HEY2: variants seen among roughly 807,000 people sequenced by gnomAD.
HEY2 encodes the protein hairy/enhancer-of-split related with YRPW motif protein 2.
HEY2 carries 10 observed loss-of-function variants against 18.1 expected under a neutral mutation model. That is an observed-to-expected ratio of 0.55 (90% confidence interval 0.34 to 0.94). HEY2 has a LOEUF of 0.94. HEY2 is among the 40% of genes least tolerant of loss of function. HEY2 has a pLI of 0.02. For synonymous variants in HEY2, 210 were observed against 182.7 expected (o/e 1.15, Z -1.21); for missense variants, 455 against 455.9 (o/e 1.00, Z 0.02).
rs1773787174 is a variant in HEY2, at chr6:125,760,819, A to G, written c.*1017A>G. The G allele has an allele frequency of 6.6e-6, 1 of 152,638 alleles. No individual in the cohort carries two copies. The highest frequency in any genetic ancestry group is 2.4e-5 in the African/African-American group (1 of 41,450). The allele number at this position is 152,638 out of a possible 1,614,324, so 9.5% of individuals were successfully genotyped here. ...GTTACATTTCTGGAGGTGATGAAGCAAGGAGGGAGCACTAGGAAGAGAAAA... is the reference window on the plus strand; with the variant it reads ...GTTACATTTCTGGAGGTGATGAAGCGAGGAGGGAGCACTAGGAAGAGAAAA... On this transcript the variant is annotated 3_prime_UTR_variant, in exon 5 of 5. Coordinates refer to ENST00000368364, the MANE Select transcript of HEY2 (RefSeq NM_012259.3).
Position 125,759,461 on chromosome 6 carries a change from G to C in HEY2, c.673G>C (p.Ala225Pro). Reference sequence around the variant, plus strand: ...AGAAGTGCCTCCTGCCCACGGCTCTGCTCTCCTCACGGCCACGTTTGCCCA... The same window carrying C: ...AGAAGTGCCTCCTGCCCACGGCTCTCCTCTCCTCACGGCCACGTTTGCCCA... ...TSEVPPAHGS[A>P]LLTATFAHAD... The change falls in exon 5 of 5, where the codon GCT becomes CCT. Residue 225 changes from alanine to proline, a missense_variant. Transcript: ENST00000368364. 1 of 1,611,590 alleles carries C rather than the reference G, an allele frequency of 6.2e-7. No individual in the cohort carries two copies. The highest frequency in any genetic ancestry group is 8.5e-7 in the Non-Finnish European group (1 of 1,179,972).
chr6:125,759,532 C>G lies in HEY2; in HGVS notation c.744C>G (p.Pro248=), dbSNP rs1773746887. ...LRMPSTGSVA[P]CVPPLSTSLL... Reference sequence around the variant, plus strand: ...TGCCATCCACGGGCAGCGTCGCCCCCTGCGTGCCACCTCTCTCCACCTCTC... The same window carrying G: ...TGCCATCCACGGGCAGCGTCGCCCCGTGCGTGCCACCTCTCTCCACCTCTC... The change falls in exon 5 of 5, where the codon CCC becomes CCG. Residue 248 remains proline, a synonymous_variant. Transcript: ENST00000368364. 1 of 1,611,024 alleles carries G rather than the reference C, an allele frequency of 6.2e-7. No homozygotes were observed. The highest frequency in any genetic ancestry group is 1.3e-5 in the African/African-American group (1 of 74,940).
At chr6:125,754,269 C>T (rs1001992606) in intron 3 of HEY2, among the ~76,000 whole-genome samples, 196 bp from the exon 4 acceptor site, 25 of 152,136 alleles carry the variant, frequency 1.6e-4, no homozygotes, top group African/African-American at 6.0e-4. Context: ...ATGGCAAATA[C>T]TTGTCATTAG....
At chr6:125,756,915 A>C (rs1287905724) in intron 4 of HEY2, among the ~76,000 whole-genome samples, 9 of 152,208 alleles carry the variant, frequency 5.9e-5, no homozygotes, top group African/African-American at 2.2e-4. Flanking sequence ...CCATTCACAA[A>C]AGGGAGCTAC....
At chr6:125,759,049 C>T (rs1773723808) in intron 4 of HEY2, 68 bp from the exon 5 acceptor site, 1 of 1,213,356 alleles carries the variant, frequency 8.2e-7, no homozygotes, top group Admixed American at 2.2e-5. Flanking sequence ...GTTGACTATA[C>T]CATTTTCTCA....
rs143945370 is a variant in HEY2, at chr6:125,759,004, T to C, written c.329-113T>C. On this transcript the variant is annotated intron_variant, in intron 4 of 4. Coordinates refer to ENST00000368364, the MANE Select transcript of HEY2 (RefSeq NM_012259.3). ...GGATTATCGTTCCACTTCAGTCTTC[T>C]GAAGGACAGAGTGGAACATCAGTGG... 4.4e-4 allele frequency: 319 copies of C among 729,320 alleles called. 1 individual carries two copies. In the Middle Eastern group the frequency reaches 5.6e-3, roughly 13 times the overall value. The allele number at this position is 729,320 out of a possible 1,614,324, so 45.2% of individuals were successfully genotyped here.
Position 125,754,537 on chromosome 6 carries a change from G to A in HEY2, c.319G>A (p.Gly107Arg). ...TCATTTGAAGATGCTTCAGGCAACA[G>A]GGGGTAAAGGTAAGTAGATGACTTC... The part of the protein sequence containing the change: ...VDHLKMLQAT[G>R]GKGYFDAHAL... Residue 107 changes from glycine (G) to arginine (R), a missense_variant, in exon 4 of 5, where the codon GGG (glycine) becomes AGG (arginine). Coordinates refer to ENST00000368364, the MANE Select transcript of HEY2 (RefSeq NM_012259.3). 2 of 1,585,346 alleles carry A rather than the reference G, an allele frequency of 1.3e-6. No individual in the cohort carries two copies. The highest frequency in any genetic ancestry group is 1.4e-5 in the African/African-American group (1 of 73,518).
rs1364746682 is a variant in HEY2 at position 125,749,782 on chromosome 6, G to C, written c.6G>C (p.Lys2Asn). The C allele has an allele frequency of 6.4e-7, 1 of 1,573,894 alleles. No homozygotes were observed. Among genetic ancestry groups the C allele is most frequent in the African/African-American group, 1.4e-5 (1 of 73,788 alleles). Residue 2 changes from lysine (K) to asparagine (N), a missense_variant, in exon 1 of 5, where the codon AAG (lysine) becomes AAC (asparagine). Lys to Asn is a moderately conservative substitution (Grantham distance 94). Transcript: ENST00000368364. M[K>N]RPCEETTSES... ...CCCGCGCGGTCTTCGCCGGGATGAA[G>C]CGCCCCTGCGAGGAGACGACCTCCG...
At chr6:125,751,610 C>G (rs572960766) in intron 1 of HEY2, among the ~76,000 whole-genome samples, 191 bp from the exon 2 acceptor site, 89 of 152,190 alleles carry the variant, frequency 5.8e-4, no homozygotes, top group African/African-American at 2.1e-3. Context: ...CAAATTAAGG[C>G]GTAATTTTTA....
At chr6:125,758,812 T>C (rs1398441317) in intron 4 of HEY2, among the ~76,000 whole-genome samples, 2 of 152,218 alleles carry the variant, frequency 1.3e-5, no homozygotes, top group African/African-American at 2.4e-5. Context: ...CTGGAAGTGT[T>C]TGAAACGCGG....
intron 4 of HEY2, among the ~76,000 whole-genome samples, chr6:125,756,746 C>T (rs749638088): frequency 1.2e-4 from 19 of 152,106 alleles, no homozygotes; most frequent in Middle Eastern, 3.2e-3. Flanking sequence ...TTACCCCCTG[C>T]GAGCTGGTCC....
At position 125,759,285 on chromosome 6, in the gene HEY2, C is replaced by A; in HGVS notation, c.497C>A (p.Ala166Glu). The change falls in exon 5 of 5, where the codon GCG (alanine) becomes GAG (glutamate). Residue 166 changes from alanine to glutamate, a missense_variant. Ala to Glu is a moderately radical substitution (Grantham distance 107). Coordinates refer to ENST00000368364, the MANE Select transcript of HEY2 (RefSeq NM_012259.3). ...AGCACTTGCGCCACCCAGCGGGAGG[C>A]GGCGGCCATGACATCCTCCATGGCC... ...HLSTCATQRE[A>E]AAMTSSMAHH... The A allele has an allele frequency of 6.2e-7, 1 of 1,606,024 alleles. No homozygotes were observed. Among genetic ancestry groups the A allele is most frequent in the South Asian group, 1.1e-5 (1 of 91,028 alleles).
intron 3 of HEY2, among the ~76,000 whole-genome samples, chr6:125,753,883 G>A (rs550030443): frequency 4.6e-5 from 7 of 152,132 alleles, no homozygotes; most frequent in South Asian, 2.1e-4. Flanking sequence ...CTTAAAAGTC[G>A]TCCTTTTTAA....
At chr6:125,751,915 TTATAC>T (rs1562705203) in intron 2 of HEY2, 36 bp downstream of exon 2, 5 of 1,584,266 alleles carry the variant, frequency 3.2e-6, no homozygotes, top group Non-Finnish European at 4.3e-6. Context: ...TTCATGTAAC[TTATAC>T]TATTGTGTAA....
In HEY2 at chr6:125,760,098, A is replaced by G. The variant is rs1773766690; in HGVS notation, c.*296A>G. 5.2e-6 allele frequency: 2 copies of G among 386,804 alleles called. No homozygotes were observed. Among genetic ancestry groups the G allele is most frequent in the Non-Finnish European group, 9.3e-6 (2 of 214,132 alleles). 24.0% of individuals were successfully genotyped at this position (386,804 alleles called of 1,614,324 possible). A position where few individuals can be genotyped will look rare whatever the true frequency, so the allele number is the denominator to read the frequency against. ...TATGGACCGTACCATCCAGCAGTGC[A>G]TCAGTATGTCTGAATTGGGGAAGTA... On this transcript the variant is annotated 3_prime_UTR_variant, in exon 5 of 5. Transcript: ENST00000368364.
Position 125,759,121 on chromosome 6 carries a change from C to T in HEY2, c.333C>T (p.Tyr111=), listed in dbSNP as rs776757489. 6.7e-5 allele frequency: 107 copies of T among 1,593,552 alleles called. No homozygotes were observed. The highest frequency in any genetic ancestry group is 9.0e-5 in the Non-Finnish European group (105 of 1,168,734). The part of the protein sequence containing the change: ...KMLQATGGKG[Y]FDAHALAMDF... ...TTTGCTCAAACCCACTTTTAGGCTA[C>T]TTTGACGCACACGCTCTTGCCATGG... is the stretch of plus-strand genomic sequence containing the variant. The change falls in exon 5 of 5, where the codon TAC becomes TAT. Residue 111 remains tyrosine, a synonymous_variant. Coordinates refer to ENST00000368364, the MANE Select transcript of HEY2 (RefSeq NM_012259.3).
chr6:125,752,429 A>AC (rs1340248658), intron 3 of HEY2, among the ~76,000 whole-genome samples: 41 of 148,676 alleles, frequency 2.8e-4, no homozygotes, highest in African/African-American at 1.0e-3. Flanking sequence ...GTATCCTTCA[A>AC]AAAAAAAAAA....
chr6:125,752,221 G>A, intron 3 of HEY2, 131 bp downstream of exon 3: 1 of 617,856 alleles, frequency 1.6e-6, no homozygotes, highest in Middle Eastern at 4.3e-4. Flanking sequence ...TAGTGTATGT[G>A]CCCTGATCTG....
intron 4 of HEY2, among the ~76,000 whole-genome samples, chr6:125,756,062 T>A (rs1773647918): frequency 1.3e-5 from 2 of 152,260 alleles, no homozygotes; most frequent in African/African-American, 4.8e-5. Context: ...TTTCAAATAT[T>A]TGGCATGAGC....
Sources: gnomAD v4.1 joint callset for allele counts (sites outside exome capture counted in the v4.1 genomes callset) on GRCh38, gnomAD v4.1.1 for gene constraint, MANE v1.5 for transcripts, NCBI Gene and HGNC (gene_info 2026-07-23, HGNC 2026-07-21) for gene names.